The following SORL1 variants were observed in gnomAD, a reference collection of about 807,000 sequenced individuals.
SORL1 encodes the protein sortilin related receptor 1.
In SORL1, 127 loss-of-function variants were observed where a neutral mutation model predicts 273.7. That is an observed-to-expected ratio of 0.46 (90% confidence interval 0.40 to 0.54). The LOEUF (loss-of-function observed/expected upper bound fraction) is 0.54. Ranked by LOEUF, SORL1 falls within the 20% of genes least tolerant of loss-of-function variation. The probability of loss-of-function intolerance (pLI) is 0.00; values close to 1 mark genes in which losing one functional copy is unlikely to be tolerated. For missense variants in SORL1, 2,494 were observed against 2,846.1 expected, an observed-to-expected ratio of 0.88 and a Z score of 2.81; for synonymous variants, 1,031 against 1,067.4, an observed-to-expected ratio of 0.97 and a Z score of 0.66.
intron 28 of SORL1, among the ~76,000 whole-genome samples, chr11:121,588,553 G>A (rs1203660524): frequency 6.6e-6 from 1 of 152,118 alleles, no homozygotes; most frequent in African/African-American, 2.4e-5. Flanking sequence ...CCCCAATTTG[G>A]ACCTGTCTGT....
At chr11:121,520,229 C>T (rs1004351204) in intron 8 of SORL1, among the ~76,000 whole-genome samples, 2 of 152,194 alleles carry the variant, frequency 1.3e-5, no homozygotes, top group Admixed American at 6.5e-5. Context: ...CACCACTGCA[C>T]TCCTGCCTGG....
chr11:121,607,118 T>A lies in SORL1; in HGVS notation c.5062-68T>A. 4 of 1,122,570 alleles carry A rather than the reference T, an allele frequency of 3.6e-6. No individual in the cohort carries two copies. In the South Asian group the frequency reaches 3.8e-5, roughly 11 times the overall value. The allele number at this position is 1,122,570 out of a possible 1,614,324, so 69.5% of individuals were successfully genotyped here. On this transcript the variant is annotated intron_variant, in intron 36 of 47. Coordinates refer to ENST00000260197, the MANE Select transcript of SORL1 (RefSeq NM_003105.6). ...CCATCTTTTCTCTCCTCCAGCCTCCTTGCAAGATATTAGGATGCCCTGGAC... is the reference window on the plus strand; with the variant it reads ...CCATCTTTTCTCTCCTCCAGCCTCCATGCAAGATATTAGGATGCCCTGGAC...
intron 6 of SORL1, among the ~76,000 whole-genome samples, chr11:121,500,928 A>C (rs1234116528): frequency 6.6e-6 from 1 of 152,206 alleles, no homozygotes; most frequent in Non-Finnish European, 1.5e-5. Flanking sequence ...ACCAATTTTC[A>C]ACCTTAAGCT....
intron 33 of SORL1, 94 bp downstream of exon 33, chr11:121,604,418 C>G (rs899619568): frequency 6.9e-7 from 1 of 1,444,794 alleles, no homozygotes. Flanking sequence ...AGCTAGGACC[C>G]TTTTGAACTG....
At chr11:121,591,253 C>A in intron 31 of SORL1, 97 bp downstream of exon 31, 1 of 1,325,114 alleles carries the variant, frequency 7.5e-7, no homozygotes, top group Non-Finnish European at 1.1e-6. Context: ...GGCCCCATGC[C>A]CTGCTGTCTG....
rs373330971 is a variant in SORL1 at position 121,596,883 on chromosome 11, C to T, written c.4519+1111C>T. ...CCTCAACCAATGAAAAACTGAGCCT[C>T]ACTTGGAATCCTACCAAGTCTTACC... On this transcript the variant is annotated intron_variant, in intron 32 of 47. Coordinates refer to ENST00000260197, the MANE Select transcript of SORL1 (RefSeq NM_003105.6). This position sits in a 1 kb window ranked among gnomAD's most constrained non-coding sequence, Gnocchi z 4.3. Among the ~76,000 whole-genome samples, 1 of 152,108 alleles carries T rather than the reference C, an allele frequency of 6.6e-6. No homozygotes were observed. The highest frequency in any genetic ancestry group is 1.9e-4 in the East Asian group (1 of 5,200).
intron 6 of SORL1, among the ~76,000 whole-genome samples, chr11:121,497,354 A>G (rs916521640): frequency 2.0e-5 from 3 of 152,184 alleles, no homozygotes; most frequent in Admixed American, 6.5e-5. Flanking sequence ...TGAAATCCCA[A>G]TGAAAAGAAC....
rs1861994519 is a variant in SORL1 at position 121,518,975 on chromosome 11, G to T, written c.1212-1682G>T. Among the ~76,000 whole-genome samples the T allele has an allele frequency of 4.1e-5, 6 of 146,254 alleles. No homozygotes were observed. In the Admixed American group the frequency reaches 4.1e-4, roughly 10 times the overall value. The stretch of plus-strand genomic sequence containing the variant: ...TCTTTTTTTTTTTTTTTGAGTTGGA[G>T]TCTCGCTCTGTCACCAGGCTGGAGT... On this transcript the variant is annotated intron_variant, in intron 8 of 47. Coordinates refer to ENST00000260197, the MANE Select transcript of SORL1 (RefSeq NM_003105.6).
chr11:121,561,809 T>C (rs1232305370), intron 21 of SORL1, among the ~76,000 whole-genome samples: 2 of 151,946 alleles, frequency 1.3e-5, no homozygotes, highest in African/African-American at 4.8e-5. Context: ...GCCTCTCTGC[T>C]CCTTTCTGTT....
intron 43 of SORL1, 88 bp from the exon 44 acceptor site, chr11:121,620,976 A>C (rs1297988819): frequency 3.2e-6 from 3 of 947,264 alleles, no homozygotes; most frequent in Non-Finnish European, 4.8e-6. Flanking sequence ...CCCAGCTATT[A>C]ATATACTACA....
At chr11:121,534,829 C>A (rs762562544) in intron 12 of SORL1, among the ~76,000 whole-genome samples, 1 of 152,226 alleles carries the variant, frequency 6.6e-6, no homozygotes, top group Non-Finnish European at 1.5e-5. Flanking sequence ...GCCTCAGGCC[C>A]CTTCTAAGTT....
intron 16 of SORL1, among the ~76,000 whole-genome samples, chr11:121,552,016 A>G (rs117315767): frequency 6.6e-6 from 1 of 152,326 alleles, no homozygotes; most frequent in East Asian, 1.9e-4. Context: ...GGGACAAAAC[A>G]GTTTGTTTAA....
chr11:121,562,714 T>A (rs1253967302), intron 21 of SORL1, among the ~76,000 whole-genome samples: 1 of 152,152 alleles, frequency 6.6e-6, no homozygotes, highest in African/African-American at 2.4e-5. Flanking sequence ...AAAGGGAGGT[T>A]GTAAAGTGCT....
At chr11:121,580,604 CTT>C (rs11404598) in intron 25 of SORL1, among the ~76,000 whole-genome samples, 16 of 115,456 alleles carry the variant, frequency 1.4e-4, no homozygotes, top group Non-Finnish European at 1.7e-4. Flanking sequence ...CATGCACTTA[CTT>C]TTTTTTTTTT....
At chr11:121,559,319 T>C (rs987744062) in intron 20 of SORL1, among the ~76,000 whole-genome samples, 200 bp from the exon 21 acceptor site, 5 of 152,188 alleles carry the variant, frequency 3.3e-5, no homozygotes, top group African/African-American at 1.2e-4. Context: ...ATAGTTTCTT[T>C]TGGGCAGTTT....
At chr11:121,566,330 T>C (rs958812244) in intron 21 of SORL1, among the ~76,000 whole-genome samples, 6 of 152,236 alleles carry the variant, frequency 3.9e-5, no homozygotes, top group Admixed American at 2.6e-4. Flanking sequence ...AGTGTTGTAA[T>C]TGAGAAGTCC....
In SORL1 at chr11:121,618,877, A is replaced by G. The variant is rs745984652; in HGVS notation, c.5708A>G (p.Glu1903Gly). 3 of 1,614,004 alleles carry G rather than the reference A, an allele frequency of 1.9e-6. No individual in the cohort carries two copies. The highest frequency in any genetic ancestry group is 2.5e-6 in the Non-Finnish European group (3 of 1,180,006). The change falls in exon 42 of 48, where the codon GAG (glutamate) becomes GGG (glycine). Residue 1903 changes from glutamate (E) to glycine (G), a missense_variant. This residue lies in a region of SORL1 where 1,609 missense variants were observed against 1,816.4 expected (regional missense o/e 0.89). Transcript: ENST00000260197. ...HNKTVIVSKD[E>G]QYLFLVRVVV... ...AAGACGGTCATTGTCAGTAAGGATG[A>G]GCAGTATTTGTTTCTGGTAAGTTTC... is the stretch of plus-strand genomic sequence containing the variant.
chr11:121,565,891 A>G (rs547315314), intron 21 of SORL1, among the ~76,000 whole-genome samples: 52 of 152,338 alleles, frequency 3.4e-4, no homozygotes, highest in Non-Finnish European at 5.9e-4. Flanking sequence ...AAGCTGAACC[A>G]GAGAAAAGAT....
chr11:121,569,718 G>T (rs1345507006), intron 22 of SORL1, among the ~76,000 whole-genome samples: 1 of 152,086 alleles, frequency 6.6e-6, no homozygotes, highest in Non-Finnish European at 1.5e-5. Flanking sequence ...TTTTAATTTC[G>T]CCCCGTCCTG....
Sources: allele counts gnomAD v4.1 joint callset (sites outside exome capture counted in the v4.1 genomes callset), GRCh38; gene constraint gnomAD v4.1.1; regional missense constraint gnomAD v4.1.1; non-coding constraint Gnocchi (gnomAD v3.1); transcripts MANE v1.5; gene names NCBI Gene and HGNC (gene_info 2026-07-23, HGNC 2026-07-21).